Variants in ALG3 observed in about 807,000 individuals in gnomAD.
ALG3 encodes dol-P-Man:Man(5)GlcNAc(2)-PP-Dol alpha-1,3-mannosyltransferase.
A neutral mutation model predicts 50.5 loss-of-function variants in ALG3; 39 were observed. That is an observed-to-expected ratio of 0.77 (90% confidence interval 0.60 to 1.01). ALG3 has a LOEUF of 1.01. ALG3 is among the 50% of genes least tolerant of loss of function. The probability of loss-of-function intolerance (pLI) is 0.00; values close to 1 mark genes in which losing one functional copy is unlikely to be tolerated. For missense variants in ALG3, 520 were observed against 554.8 expected, an observed-to-expected ratio of 0.94 and a Z score of 0.63; for synonymous variants, 252 against 237.2, an observed-to-expected ratio of 1.06 and a Z score of -0.58.
At chr3:184,243,323 T>A in intron 7 of ALG3, 2 of 587,018 alleles carry the variant, frequency 3.4e-6, no homozygotes, top group Non-Finnish European at 3.0e-6. Flanking sequence ...CATATGTAAA[T>A]CTCTTATGAT....
chr3:184,243,063 C>G lies in ALG3; in HGVS notation c.1010-106G>C, dbSNP rs558204582. 3.9e-5 allele frequency: 58 copies of G among 1,472,098 alleles called. No individual in the cohort carries two copies. The African/African-American group carries it at 7.1e-4, about 18-fold the overall frequency. 91.2% of individuals were successfully genotyped at this position (1,472,098 alleles called of 1,614,324 possible). A position where few individuals can be genotyped will look rare whatever the true frequency, so the allele number is the denominator to read the frequency against. ...ACATAGCCCTCTGGCTCTGCCATTC[C>G]TTGATGCATGCCTTTGGGCAAGTTT... On this transcript the variant is annotated intron_variant, in intron 7 of 8. Transcript: ENST00000397676.
chr3:184,244,936 G>A, intron 4 of ALG3: 3 of 731,132 alleles, frequency 4.1e-6, no homozygotes, highest in Non-Finnish European at 6.7e-6. Context: ...AGATGCGAAT[G>A]AGCATATACT....
chr3:184,244,307 G>A, intron 5 of ALG3: 1 of 528,468 alleles, frequency 1.9e-6, no homozygotes, highest in Non-Finnish European at 3.3e-6. Context: ...GCTTTGGGAG[G>A]CCAAGGCAGG....
At chr3:184,248,972 A>T (rs1719367001), upstream of ALG3, 1 of 1,547,712 alleles carries the variant, frequency 6.5e-7, no homozygotes, top group Non-Finnish European at 8.7e-7. Flanking sequence ...TGGGCCCACC[A>T]CCCCCGGAAA....
In ALG3 at chr3:184,245,231, G is replaced by C; in HGVS notation, c.572C>G (p.Ala191Gly). Reference protein sequence around the residue: ...LLFLSINLLLAQRWGWGCCFF... With the variant: ...LLFLSINLLLGQRWGWGCCFF... ...GCAGCAACCCCAGCCCCAGCGCTGG[G>C]CCAGCAGGAGGTTGATACTGAGGAA... The change falls in exon 4 of 9, where the codon GCC becomes GGC. Residue 191 changes from alanine (A) to glycine (G), a missense_variant. Around this residue, in one of 3 missense-constraint regions of ALG3, gnomAD observed 290 missense variants for 265.9 expected, o/e 1.09. Coordinates refer to ENST00000397676, the MANE Select transcript of ALG3 (RefSeq NM_005787.6). 1 of 1,613,924 alleles carries C rather than the reference G, an allele frequency of 6.2e-7. No individual in the cohort carries two copies. Among genetic ancestry groups the C allele is most frequent in the Non-Finnish European group, 8.5e-7 (1 of 1,179,880 alleles).
rs527858917 is a variant in ALG3 at position 184,245,098 on chromosome 3, A to G, written c.605+100T>C. 55 of 1,475,088 alleles carry G rather than the reference A, an allele frequency of 3.7e-5. 1 individual carries two copies. In the South Asian group the frequency reaches 5.9e-4, roughly 16 times the overall value. The allele number at this position is 1,475,088 out of a possible 1,614,324, so 91.4% of individuals were successfully genotyped here. A position where few individuals can be genotyped will look rare whatever the true frequency, so the allele number is the denominator to read the frequency against. On this transcript the variant is annotated intron_variant, in intron 4 of 8. Transcript: ENST00000397676. ...CGCTTTGTGGAGCCCTGAGTGACCC[A>G]TGCTGTCTTGGCTACTCCTTTACTC... is the stretch of plus-strand genomic sequence containing the variant.
chr3:184,245,668 T>C, intron 2 of ALG3, 45 bp downstream of exon 2: 3 of 1,609,962 alleles, frequency 1.9e-6, no homozygotes, highest in Non-Finnish European at 2.5e-6. Flanking sequence ...GACTAGTACC[T>C]AACCAGCCCC....
chr3:184,246,014 T>C (rs1033975636), intron 1 of ALG3, among the ~76,000 whole-genome samples: 6 of 152,194 alleles, frequency 3.9e-5, no homozygotes, highest in African/African-American at 1.4e-4. Flanking sequence ...TTTGTGATCT[T>C]TCTTCCCATT....
rs1171616257 is a variant in ALG3 at position 184,242,424 on chromosome 3, T to A, written c.*90A>T. 1 of 1,494,500 alleles carries A rather than the reference T, an allele frequency of 6.7e-7. No individual in the cohort carries two copies. The highest frequency in any genetic ancestry group is 9.1e-7 in the Non-Finnish European group (1 of 1,094,794). The allele number at this position is 1,494,500 out of a possible 1,614,324, so 92.6% of individuals were successfully genotyped here. ...CACCTCCATGTAGGTTGCACAGAGT[T>A]GGACTTAGCAAGGTTTATTTGGAAG... On this transcript the variant is annotated 3_prime_UTR_variant, in exon 9 of 9. Transcript: ENST00000397676.
chr3:184,244,990 T>C, intron 4 of ALG3: 1 of 796,672 alleles, frequency 1.3e-6, no homozygotes, highest in South Asian at 1.6e-5. Flanking sequence ...AGGAATGCTG[T>C]CTGGGAGGAA....
In ALG3 at chr3:184,242,422, G is replaced by T; in HGVS notation, c.*92C>A. On this transcript the variant is annotated 3_prime_UTR_variant, in exon 9 of 9. Transcript: ENST00000397676. ...CCCACCTCCATGTAGGTTGCACAGA[G>T]TTGGACTTAGCAAGGTTTATTTGGA... 1 of 1,486,850 alleles carries T rather than the reference G, an allele frequency of 6.7e-7. No homozygotes were observed. Among genetic ancestry groups the T allele is most frequent in the Non-Finnish European group, 9.2e-7 (1 of 1,088,094 alleles). 92.1% of individuals were successfully genotyped at this position (1,486,850 alleles called of 1,614,324 possible).
rs1225190114 is a variant in ALG3 at position 184,243,556 on chromosome 3, T to G, written c.1007A>C (p.Asn336Thr). The G allele has an allele frequency of 6.2e-7, 1 of 1,613,600 alleles. No individual in the cohort carries two copies. The highest frequency in any genetic ancestry group is 8.5e-7 in the Non-Finnish European group (1 of 1,179,678). ...CCTTCCCACAATTTAAAGGATATGG[T>G]TGGGTGTAAGGGGCTGGGGTGGAAC... is the stretch of plus-strand genomic sequence containing the variant. ...RKVPPQPLTP[N>T]QIVSTLFTSN... The change falls in exon 7 of 9, where the codon AAC (asparagine) becomes ACC (threonine). Residue 336 changes from asparagine (N) to threonine (T), a missense_variant and splice_region_variant. Physicochemically the swap from Asn to Thr is moderately conservative, Grantham distance 65 (BLOSUM62 0). Transcript: ENST00000397676.
upstream of ALG3, chr3:184,249,519 A>AGGCAG: frequency 3.8e-6 from 3 of 788,970 alleles, no homozygotes; most frequent in Non-Finnish European, 5.9e-6. Context: ...GGTCTGGACG[A>AGGCAG]TAGTTTTCCC....
chr3:184,242,548 G>A lies in ALG3; in HGVS notation c.1283C>T (p.Pro428Leu), dbSNP rs1718854475. ...LQLWLGPQPF[P>L]KSTQHSKKAH ...TTTCTTGCTGTGTTGGGTGCTCTTGGGGAAAGGCTGCGGGCCCAGCCAGAG... is the reference window on the plus strand; with the variant it reads ...TTTCTTGCTGTGTTGGGTGCTCTTGAGGAAAGGCTGCGGGCCCAGCCAGAG... The change falls in exon 9 of 9, where the codon CCC (proline) becomes CTC (leucine). Residue 428 changes from proline to leucine, a missense_variant. This residue lies in a region of ALG3 where 224 missense variants were observed against 272.8 expected (regional missense o/e 0.82). Transcript: ENST00000397676. 1.9e-6 allele frequency: 3 copies of A among 1,609,718 alleles called. No individual in the cohort carries two copies. The highest frequency in any genetic ancestry group is 1.3e-5 in the African/African-American group (1 of 74,806).
Position 184,243,606 on chromosome 3 carries a change from C to A in ALG3, c.957G>T (p.Leu319=). Residue 319 remains leucine, a synonymous_variant, in exon 7 of 9, where the codon CTG becomes CTT. Transcript: ENST00000397676. ...WHRTGESILS[L]LRDPSKRKVP... is the part of the protein sequence containing the mutation. ...CCTTCCTTTTGGAGGGATCCCTCAG[C>A]AGCGACAAGATACTTTCCCCTGTCC... is the stretch of plus-strand genomic sequence containing the variant. 6.2e-7 allele frequency: 1 copy of A among 1,613,890 alleles called. No homozygotes were observed.
At chr3:184,242,764 C>T (rs753875178) in intron 8 of ALG3, 49 bp downstream of exon 8, 2 of 1,604,674 alleles carry the variant, frequency 1.2e-6, no homozygotes, top group South Asian at 1.1e-5. Context: ...AAACCCCCAA[C>T]AGGAACTCCC....
At chr3:184,247,194 G>A (rs1719203029) in intron 1 of ALG3, among the ~76,000 whole-genome samples, 3 of 151,838 alleles carry the variant, frequency 2.0e-5, no homozygotes, top group Non-Finnish European at 2.9e-5. Flanking sequence ...ATAAGCCACC[G>A]TGCCCAGCCA....
chr3:184,244,904 A>T (rs1426126314), intron 4 of ALG3, 183 bp from the exon 5 acceptor site: 3 of 850,562 alleles, frequency 3.5e-6, no homozygotes, highest in Non-Finnish European at 5.4e-6. Flanking sequence ...CAGGAGGCAG[A>T]TACATAGTCT....
intron 1 of ALG3, among the ~76,000 whole-genome samples, chr3:184,247,301 A>AT (rs1719210076): frequency 7.8e-6 from 1 of 128,114 alleles, no homozygotes; most frequent in African/African-American, 3.4e-5. Context: ...AGTCTAACTG[A>AT]ATTTTTTTTT....
Sources: allele counts gnomAD v4.1 joint callset (sites outside exome capture counted in the v4.1 genomes callset), GRCh38; gene constraint gnomAD v4.1.1; regional missense constraint gnomAD v4.1.1; transcripts MANE v1.5; gene names NCBI Gene and HGNC (gene_info 2026-07-23, HGNC 2026-07-21).